TNFSF8: variants seen among roughly 807,000 people sequenced by gnomAD.
TNFSF8 encodes the protein TNF superfamily member 8.
TNFSF8 carries 4 observed loss-of-function variants against 22.0 expected under a neutral mutation model. The observed-to-expected ratio is 0.18, with a 90% CI of 0.09 to 0.42. The LOEUF (loss-of-function observed/expected upper bound fraction) is 0.42. Among genes scored for constraint, TNFSF8 ranks in the 10% least tolerant of loss-of-function variants. The pLI, the probability that TNFSF8 is intolerant of heterozygous loss-of-function variation, is 1.00. For missense variants in TNFSF8, 233 were observed against 281.8 expected (o/e 0.83, Z 1.24); for synonymous variants, 106 against 112.5 (o/e 0.94, Z 0.37).
chr9:114,916,580 A>T (rs915262506), intron 2 of TNFSF8, among the ~76,000 whole-genome samples: 1 of 152,240 alleles, frequency 6.6e-6, no homozygotes, highest in East Asian at 1.9e-4. Context: ...AGTTATATTC[A>T]CTCAGAGCCT....
exon 5 of TNFSF8, chr9:114,893,868 T>A (rs2131336687): frequency 1.9e-6 from 1 of 520,876 alleles, no homozygotes; most frequent in Non-Finnish European, 3.5e-6. Flanking sequence ...TGGTCAGACT[T>A]TTTTCTCTCT....
intron 2 of TNFSF8, among the ~76,000 whole-genome samples, chr9:114,916,210 C>T (rs1354792144): frequency 1.3e-5 from 2 of 152,156 alleles, no homozygotes; most frequent in East Asian, 1.9e-4. Flanking sequence ...AAATGAAGGA[C>T]CGTCTCAGAG....
chr9:114,928,975 C>G (rs1403702035), intron 1 of TNFSF8, among the ~76,000 whole-genome samples: 1 of 152,138 alleles, frequency 6.6e-6, no homozygotes, highest in African/African-American at 2.4e-5. Context: ...GATTATAATA[C>G]CACGAAAAGT....
intron 1 of TNFSF8, among the ~76,000 whole-genome samples, chr9:114,923,098 C>T (rs1326818306): frequency 6.6e-6 from 1 of 152,078 alleles, no homozygotes; most frequent in Admixed American, 6.6e-5. Context: ...TCCTCTCCGT[C>T]TCTTCTATCA....
intron 2 of TNFSF8, among the ~76,000 whole-genome samples, chr9:114,906,217 A>C (rs959080336): frequency 4.6e-5 from 7 of 152,210 alleles, no homozygotes; most frequent in Non-Finnish European, 8.8e-5. Context: ...TCATCTCCTT[A>C]ATCTTTGCAG....
downstream of TNFSF8, among the ~76,000 whole-genome samples, chr9:114,899,349 T>TTA (rs1554775975): frequency 4.8e-5 from 7 of 146,216 alleles, no homozygotes; most frequent in East Asian, 2.2e-4. Flanking sequence ...GTTATTATTT[T>TTA]TTTTTTTTTT....
downstream of TNFSF8, among the ~76,000 whole-genome samples, chr9:114,896,348 C>T (rs1827655254): frequency 6.6e-6 from 1 of 152,152 alleles, no homozygotes; most frequent in Non-Finnish European, 1.5e-5. Flanking sequence ...AATTTGGGAG[C>T]TTAAAATAAT....
At chr9:114,928,937 T>A in intron 1 of TNFSF8, among the ~76,000 whole-genome samples, 1 of 152,126 alleles carries the variant, frequency 6.6e-6, no homozygotes, top group East Asian at 1.9e-4. Context: ...CTAAGAAAAC[T>A]GAAGAAAAAC....
At chr9:114,918,061 T>G in intron 2 of TNFSF8, 35 bp downstream of exon 2, 1 of 1,578,118 alleles carries the variant, frequency 6.3e-7, no homozygotes, top group Non-Finnish European at 8.6e-7. Context: ...TCTAGATGAC[T>G]TACTACACAT....
chr9:114,929,084 T>A (rs4978612), intron 1 of TNFSF8, among the ~76,000 whole-genome samples: 31,501 of 152,104 alleles, frequency 0.21, 6,958 homozygotes, highest in African/African-American at 0.55. Flanking sequence ...ATCAAAAAAT[T>A]CATGAGCAAT....
chr9:114,910,876 C>G (rs1327431921), intron 2 of TNFSF8, among the ~76,000 whole-genome samples: 1 of 152,176 alleles, frequency 6.6e-6, no homozygotes, highest in African/African-American at 2.4e-5. Context: ...AAAAGAGCAC[C>G]TGAATTCTGG....
At chr9:114,922,241 G>A (rs1373622635) in intron 1 of TNFSF8, among the ~76,000 whole-genome samples, 1 of 152,202 alleles carries the variant, frequency 6.6e-6, no homozygotes, top group Non-Finnish European at 1.5e-5. Context: ...ATGAGCTCCT[G>A]AATTTGCTTT....
chr9:114,920,215 G>C (rs1827970650), intron 1 of TNFSF8, among the ~76,000 whole-genome samples: 1 of 152,168 alleles, frequency 6.6e-6, no homozygotes, highest in African/African-American at 2.4e-5. Flanking sequence ...TGATTAGCAT[G>C]ATGTGCAAAT....
At chr9:114,897,093 G>A (rs1301280862), downstream of TNFSF8, among the ~76,000 whole-genome samples, 2 of 152,098 alleles carry the variant, frequency 1.3e-5, no homozygotes, top group East Asian at 1.9e-4. Context: ...TAGAGACGGG[G>A]TTTCTCCATG....
intron 2 of TNFSF8, 86 bp from the exon 3 acceptor site, chr9:114,905,985 G>A (rs1304761410): frequency 5.8e-6 from 5 of 865,598 alleles, no homozygotes; most frequent in Non-Finnish European, 9.7e-6. Context: ...ACACTTTGAT[G>A]GAGACAATTA....
intron 2 of TNFSF8, among the ~76,000 whole-genome samples, chr9:114,915,956 T>C (rs3789879): frequency 0.57 from 86,849 of 152,114 alleles, 26,765 homozygotes; most frequent in African/African-American, 0.8. Context: ...TTCCCATTCA[T>C]GGTCCAGATA....
chr9:114,930,565 A>G lies in TNFSF8; in HGVS notation c.-262T>C, dbSNP rs1295645875. 6.0e-6 allele frequency: 2 copies of G among 333,076 alleles called. No individual in the cohort carries two copies. The highest frequency in any genetic ancestry group is 5.0e-5 in the East Asian group (1 of 19,832). The allele number at this position is 333,076 out of a possible 1,614,324, so 20.6% of individuals were successfully genotyped here. ...AAACTAGCTACAGAGAAGGTGGCTG[A>G]TGTCAGAGGGCGCGTAGGAAAATGA... On this transcript the variant is annotated 5_prime_UTR_variant, in exon 1 of 4. Coordinates refer to ENST00000223795, the MANE Select transcript of TNFSF8 (RefSeq NM_001244.4).
intron 2 of TNFSF8, among the ~76,000 whole-genome samples, chr9:114,913,788 T>C (rs1045950957): frequency 2.0e-5 from 3 of 152,180 alleles, no homozygotes; most frequent in Non-Finnish European, 4.4e-5. Context: ...CTAATTATGA[T>C]TCCTGGGGGC....
At position 114,902,814 on chromosome 9, in the gene TNFSF8, T is replaced by G. The variant is rs540608755; in HGVS notation, c.*1117A>C. On this transcript the variant is annotated 3_prime_UTR_variant, in exon 4 of 4. Coordinates refer to ENST00000223795, the MANE Select transcript of TNFSF8 (RefSeq NM_001244.4). The stretch of plus-strand genomic sequence containing the variant: ...AGTCCTTTCATTTTCTAGACTTGGA[T>G]CCTGAGTTCCAGGGAGGGGAAGGTA... 1.6e-5 allele frequency: 15 copies of G among 948,078 alleles called. No homozygotes were observed. In the African/African-American group the frequency reaches 2.6e-4, roughly 17 times the overall value. 58.7% of individuals were successfully genotyped at this position (948,078 alleles called of 1,614,324 possible).
Sources: gnomAD v4.1 joint callset for allele counts (sites outside exome capture counted in the v4.1 genomes callset) on GRCh38, gnomAD v4.1.1 for gene constraint, MANE v1.5 for transcripts, NCBI Gene and HGNC (gene_info 2026-07-23, HGNC 2026-07-21) for gene names.